The following KCNT2 variants were observed in gnomAD, a reference collection of about 807,000 sequenced individuals.
KCNT2 encodes the protein potassium channel subfamily T member 2.
In KCNT2, 67 loss-of-function variants were observed where a neutral mutation model predicts 153.8. The ratio of observed to expected loss-of-function variants is 0.44; its 90% CI spans 0.36 to 0.53. The LOEUF is 0.53. Among genes scored for constraint, KCNT2 ranks in the 20% least tolerant of loss-of-function variants. KCNT2 has a pLI of 0.00. For missense variants in KCNT2, 975 were observed against 1,354.8 expected (o/e 0.72, Z 4.40); for synonymous variants, 500 against 458.8 (o/e 1.09, Z -1.15).
rs1676280309 is a variant in KCNT2 at position 196,452,257 on chromosome 1, C to T, written c.638+13036G>A. Among the ~76,000 whole-genome samples the T allele has an allele frequency of 2.6e-5, 4 of 151,990 alleles. No homozygotes were observed. The South Asian group carries it at 8.3e-4, about 31-fold the overall frequency. ...CTACTATCACATTACCACTTCATTG[C>T]TATAAGCTGCCTTTGAATGAATCCA... On this transcript the variant is annotated intron_variant, in intron 8 of 27. Transcript: ENST00000294725.
intron 12 of KCNT2, 138 bp downstream of exon 12, chr1:196,422,912 C>T (rs1673331249): frequency 3.9e-6 from 2 of 510,092 alleles, no homozygotes; most frequent in African/African-American, 2.0e-5. Context: ...GAAAAGATAG[C>T]TCAGTAATAT....
At chr1:196,420,177 A>G (rs1673084402) in intron 12 of KCNT2, among the ~76,000 whole-genome samples, 1 of 151,716 alleles carries the variant, frequency 6.6e-6, no homozygotes, top group Non-Finnish European at 1.5e-5. Flanking sequence ...GCTAGATTTA[A>G]TTTCCAGGAG....
intron 1 of KCNT2, among the ~76,000 whole-genome samples, chr1:196,528,660 G>A (rs911378342): frequency 3.9e-5 from 6 of 152,064 alleles, no homozygotes; most frequent in Admixed American, 1.3e-4. Flanking sequence ...ATCATTAATG[G>A]AGTAGAGATT....
chr1:196,405,454 G>A (rs1671749211), intron 12 of KCNT2, among the ~76,000 whole-genome samples: 1 of 151,344 alleles, frequency 6.6e-6, no homozygotes. Context: ...TTAATAAACT[G>A]TACTATCTAA....
At chr1:196,468,117 T>C (rs1196726064) in intron 6 of KCNT2, among the ~76,000 whole-genome samples, 1 of 152,096 alleles carries the variant, frequency 6.6e-6, no homozygotes, top group African/African-American at 2.4e-5. Flanking sequence ...TAACTTGAGG[T>C]ATTAAGTAGG....
Position 196,608,298 on chromosome 1 carries a change from C to T in KCNT2, c.12G>A (p.Leu4=), listed in dbSNP as rs1665544220. 6.2e-7 allele frequency: 1 copy of T among 1,613,500 alleles called. No individual in the cohort carries two copies. Residue 4 remains leucine (L), a synonymous_variant, in exon 1 of 28, where the codon TTG becomes TTA. Coordinates refer to ENST00000294725, the MANE Select transcript of KCNT2 (RefSeq NM_198503.5). MVD[L]ESEVPPLPPR... is the part of the protein sequence containing the mutation. ...GAGGCAGAGGGGGCACTTCGCTCTC[C>T]AAATCAACCATCCTTCCTCAAAGAG...
intron 6 of KCNT2, 66 bp downstream of exon 6, chr1:196,468,928 T>C: frequency 1.1e-6 from 1 of 902,602 alleles, no homozygotes; most frequent in South Asian, 1.5e-5. Context: ...TAACAGTATC[T>C]AGGTTTAAAT....
At chr1:196,341,787 G>A (rs1665661408) in intron 15 of KCNT2, among the ~76,000 whole-genome samples, 1 of 151,660 alleles carries the variant, frequency 6.6e-6, no homozygotes, top group African/African-American at 2.4e-5. Context: ...ATTCAGATCT[G>A]TGAAGAAGAT....
At chr1:196,418,470 GAACAAC>G (rs554472403) in intron 12 of KCNT2, among the ~76,000 whole-genome samples, 1 of 151,718 alleles carries the variant, frequency 6.6e-6, no homozygotes, top group Non-Finnish European at 1.5e-5. Context: ...CAAGTCTCAA[GAACAAC>G]AACAACAACA....
rs1257900528 is a variant in KCNT2, at chr1:196,550,556, G to A, written c.95+57659C>T. On this transcript the variant is annotated intron_variant, in intron 1 of 27. Coordinates refer to ENST00000294725, the MANE Select transcript of KCNT2 (RefSeq NM_198503.5). ...TTGTAGTCTTTACTATGTCTCTTAT[G>A]TTAACATACAGGAAACCATTTAGGA... Among the ~76,000 whole-genome samples the A allele has an allele frequency of 3.3e-5, 5 of 151,914 alleles. No homozygotes were observed. The East Asian group carries it at 9.7e-4, about 30-fold the overall frequency.
intron 13 of KCNT2, among the ~76,000 whole-genome samples, chr1:196,395,731 A>G (rs1223834514): frequency 6.6e-6 from 1 of 151,588 alleles, no homozygotes; most frequent in East Asian, 1.9e-4. Context: ...TATTTTGACA[A>G]ATTTATTATA....
At chr1:196,429,551 A>G (rs1458534104) in intron 9 of KCNT2, 26 bp downstream of exon 9, 1 of 1,509,466 alleles carries the variant, frequency 6.6e-7, no homozygotes, top group East Asian at 2.3e-5. Flanking sequence ...GTACATTTCT[A>G]TGCAATATAA....
intron 25 of KCNT2, among the ~76,000 whole-genome samples, chr1:196,274,450 T>A (rs1281224204): frequency 1.3e-5 from 2 of 151,626 alleles, no homozygotes; most frequent in African/African-American, 4.8e-5. Context: ...CATGACACAA[T>A]GGAATAAATG....
chr1:196,310,342 A>G (rs961630573), intron 21 of KCNT2, among the ~76,000 whole-genome samples: 1 of 151,856 alleles, frequency 6.6e-6, no homozygotes, highest in Non-Finnish European at 1.5e-5. Flanking sequence ...CAACACTAAA[A>G]CAAGTATAAA....
At chr1:196,460,309 C>T (rs1677038398) in intron 8 of KCNT2, among the ~76,000 whole-genome samples, 1 of 151,694 alleles carries the variant, frequency 6.6e-6, no homozygotes, top group African/African-American at 2.4e-5. Flanking sequence ...TGTAAAAGTC[C>T]TTCTTATGAC....
intron 5 of KCNT2, among the ~76,000 whole-genome samples, chr1:196,475,541 C>A (rs944344129): frequency 6.6e-6 from 1 of 151,668 alleles, no homozygotes; most frequent in Admixed American, 6.6e-5. Flanking sequence ...GGATCTATAC[C>A]TCCTAGGAGG....
rs369359028 is a variant in KCNT2, at chr1:196,479,322, A to G, written c.325-84T>C. On this transcript the variant is annotated intron_variant, in intron 4 of 27. Coordinates refer to ENST00000294725, the MANE Select transcript of KCNT2 (RefSeq NM_198503.5). ...TTGGCTATACTACTAACTTTATTTA[A>G]ATATATGTGCATGTATACATATATG... The G allele has an allele frequency of 5.6e-4, 433 of 777,214 alleles. 3 individuals carry two copies. The South Asian group carries it at 6.7e-3, about 12-fold the overall frequency. 48.1% of individuals were successfully genotyped at this position (777,214 alleles called of 1,614,324 possible).
At chr1:196,521,789 T>G (rs1653456230) in intron 1 of KCNT2, among the ~76,000 whole-genome samples, 1 of 152,058 alleles carries the variant, frequency 6.6e-6, no homozygotes, top group Non-Finnish European at 1.5e-5. Flanking sequence ...CACTAGGGCC[T>G]ACTTGAAGGT....
intron 26 of KCNT2, among the ~76,000 whole-genome samples, chr1:196,248,263 A>T (rs1258255963): frequency 6.6e-6 from 1 of 152,054 alleles, no homozygotes; most frequent in Non-Finnish European, 1.5e-5. Context: ...AGCAAGCTAA[A>T]CCAAAAATAG....
Sources: gnomAD v4.1 joint callset for allele counts (sites outside exome capture counted in the v4.1 genomes callset) on GRCh38, gnomAD v4.1.1 for gene constraint, MANE v1.5 for transcripts, NCBI Gene and HGNC (gene_info 2026-07-23, HGNC 2026-07-21) for gene names.